CLIP2: variants seen among roughly 807,000 people sequenced by gnomAD.
CLIP2 encodes CAP-Gly domain-containing linker protein 2.
CLIP2 carries 41 observed loss-of-function variants against 111.7 expected under a neutral mutation model. The ratio of observed to expected loss-of-function variants is 0.37; its 90% CI spans 0.29 to 0.48. CLIP2 has a LOEUF of 0.48. Among genes scored for constraint, CLIP2 ranks in the 20% least tolerant of loss-of-function variants. CLIP2 has a pLI of 0.99. For missense variants in CLIP2, 1,160 were observed against 1,422.1 expected (o/e 0.82, Z 2.96); for synonymous variants, 660 against 644.2 (o/e 1.02, Z -0.37).
intron 2 of CLIP2, among the ~76,000 whole-genome samples, chr7:74,322,861 G>C (rs782161728): frequency 9.9e-5 from 15 of 151,914 alleles, no homozygotes; most frequent in Non-Finnish European, 1.6e-4. Context: ...CTCCCAAGTA[G>C]CTGGGATTAC....
At chr7:74,391,609 C>G (rs1185039616) in intron 13 of CLIP2, among the ~76,000 whole-genome samples, 1 of 151,880 alleles carries the variant, frequency 6.6e-6, no homozygotes, top group African/African-American at 2.4e-5. Context: ...CACTTGAGCT[C>G]AGGAGCTTGA....
At position 74,403,853 on chromosome 7, in the gene CLIP2, G is replaced by A. The variant is rs201709023; in HGVS notation, c.*5G>A. The A allele has an allele frequency of 3.3e-5, 54 of 1,613,120 alleles. No individual in the cohort carries two copies. The highest frequency in any genetic ancestry group is 4.3e-5 in the Non-Finnish European group (51 of 1,179,868). The stretch of plus-strand genomic sequence containing the variant: ...TCTCTCTAGGACAAGCACTGATCCT[G>A]AGGGGATACTGTGGAGCAGCCCAGT... On this transcript the variant is annotated 3_prime_UTR_variant, in exon 17 of 17. Transcript: ENST00000223398.
At chr7:74,397,625 T>C (rs889616358) in intron 14 of CLIP2, among the ~76,000 whole-genome samples, 2 of 150,768 alleles carry the variant, frequency 1.3e-5, no homozygotes, top group African/African-American at 2.4e-5. Context: ...AACTTGAAAG[T>C]CTACAGCAAG....
intron 2 of CLIP2, among the ~76,000 whole-genome samples, chr7:74,336,069 ATTC>A (rs1564048235): frequency 3.4e-5 from 5 of 147,528 alleles, no homozygotes; most frequent in African/African-American, 1.3e-4. Context: ...TTTCTTTTCT[ATTC>A]TTTTCTTTTC....
chr7:74,401,353 G>A (rs962312013), intron 15 of CLIP2, 152 bp from the exon 16 acceptor site: 30 of 698,764 alleles, frequency 4.3e-5, no homozygotes, highest in East Asian at 3.0e-4. Flanking sequence ...TACCCCTAGA[G>A]GCTTGGTCTT....
intron 13 of CLIP2, among the ~76,000 whole-genome samples, chr7:74,393,007 C>A (rs1449493736): frequency 2.6e-5 from 4 of 151,742 alleles, no homozygotes; most frequent in African/African-American, 7.3e-5. Flanking sequence ...TTCTTACTCC[C>A]AATTCCCCAG....
intron 13 of CLIP2, among the ~76,000 whole-genome samples, chr7:74,394,070 G>T (rs1286563071): frequency 6.6e-6 from 1 of 151,926 alleles, no homozygotes; most frequent in Admixed American, 6.6e-5. Context: ...TGGAGTTTTG[G>T]GTCTTTATCC....
intron 2 of CLIP2, among the ~76,000 whole-genome samples, chr7:74,337,132 C>T (rs887942876): frequency 6.6e-6 from 1 of 151,944 alleles, no homozygotes; most frequent in Non-Finnish European, 1.5e-5. Flanking sequence ...AGGTGATCCG[C>T]CCACCTCAGC....
At chr7:74,337,003 A>C (rs1554732241) in intron 2 of CLIP2, among the ~76,000 whole-genome samples, 1 of 150,902 alleles carries the variant, frequency 6.6e-6, no homozygotes, top group African/African-American at 2.4e-5. Flanking sequence ...CTCCTGTCTC[A>C]GCCTCCTGGG....
chr7:74,361,353 G>C (rs1790328339), intron 7 of CLIP2, among the ~76,000 whole-genome samples: 1 of 151,652 alleles, frequency 6.6e-6, no homozygotes, highest in Non-Finnish European at 1.5e-5. Flanking sequence ...GAGTAGCTGG[G>C]ATTACAGGCA....
At chr7:74,344,437 G>A (rs376768329) in intron 3 of CLIP2, among the ~76,000 whole-genome samples, 342 of 152,226 alleles carry the variant, frequency 2.2e-3, no homozygotes, top group African/African-American at 8.0e-3. Flanking sequence ...GATGGAGTGC[G>A]GTGGTGTAGT....
At chr7:74,336,668 G>T (rs1390142825) in intron 2 of CLIP2, among the ~76,000 whole-genome samples, 11 of 151,946 alleles carry the variant, frequency 7.2e-5, no homozygotes, top group African/African-American at 2.7e-4. Flanking sequence ...ATTTGGGTGG[G>T]GACACAGCCA....
intron 13 of CLIP2, among the ~76,000 whole-genome samples, chr7:74,395,793 A>G (rs1554316571): frequency 6.6e-6 from 1 of 152,122 alleles, no homozygotes; most frequent in African/African-American, 2.4e-5. Context: ...CAAACAGCAG[A>G]TTAAAGTAGC....
chr7:74,309,334 G>A (rs1362672520), intron 1 of CLIP2, among the ~76,000 whole-genome samples: 2 of 151,960 alleles, frequency 1.3e-5, no homozygotes, highest in African/African-American at 2.4e-5. Flanking sequence ...TGTATGGTTT[G>A]ATGACTTCTA....
At chr7:74,327,293 G>A (rs537570269) in intron 2 of CLIP2, among the ~76,000 whole-genome samples, 22 of 152,076 alleles carry the variant, frequency 1.4e-4, no homozygotes, top group African/African-American at 5.1e-4. Flanking sequence ...AGTAGAGTTG[G>A]GGTTTCACCA....
chr7:74,316,452 C>T lies in CLIP2; in HGVS notation c.-67-1028C>T, dbSNP rs368037539. ...TTTCTGTAGCGACAAAGTCTTGCTA[C>T]GCTACCAAGGCTGGTTTTGAACTCC... On this transcript the variant is annotated intron_variant, in intron 1 of 16. Coordinates refer to ENST00000223398, the MANE Select transcript of CLIP2 (RefSeq NM_003388.5). 3.9e-4 allele frequency among the ~76,000 whole-genome samples: 59 copies of T among 152,090 alleles called. 2 individuals carry two copies. In the South Asian group the frequency reaches 0.01, roughly 27 times the overall value.
At chr7:74,372,320 G>C (rs554877310) in intron 8 of CLIP2, among the ~76,000 whole-genome samples, 1 of 151,454 alleles carries the variant, frequency 6.6e-6, no homozygotes, top group Non-Finnish European at 1.5e-5. Context: ...AAGGAGGCTG[G>C]GGCCAAGAGG....
In CLIP2 at chr7:74,360,295, C is replaced by G. The variant is rs1314072101; in HGVS notation, c.1319+17C>G. On this transcript the variant is annotated intron_variant, in intron 7 of 16. Coordinates refer to ENST00000223398, the MANE Select transcript of CLIP2 (RefSeq NM_003388.5). ...GGAGAGGAGGTACGTGCTGGCCCAC[C>G]CTCGCCCTGGCCCTGAGTCCCCTTA... 1.9e-6 allele frequency: 3 copies of G among 1,563,524 alleles called. No homozygotes were observed. The highest frequency in any genetic ancestry group is 1.2e-5 in the South Asian group (1 of 85,578).
At chr7:74,384,548 C>T (rs993843455) in intron 11 of CLIP2, among the ~76,000 whole-genome samples, 7 of 147,862 alleles carry the variant, frequency 4.7e-5, no homozygotes, top group East Asian at 4.2e-4. Context: ...CAGGTTCAAG[C>T]GATTCTCCTG....
Sources: gnomAD v4.1 joint callset for allele counts (sites outside exome capture counted in the v4.1 genomes callset) on GRCh38, gnomAD v4.1.1 for gene constraint, MANE v1.5 for transcripts, NCBI Gene and HGNC (gene_info 2026-07-23, HGNC 2026-07-21) for gene names.